The following ZMAT4 variants were observed in gnomAD, a reference collection of about 807,000 sequenced individuals.
The protein encoded by ZMAT4 is zinc finger matrin-type 4.
A neutral mutation model predicts 28.7 loss-of-function variants in ZMAT4; 17 were observed. The ratio of observed to expected loss-of-function variants is 0.59; its 90% confidence interval spans 0.41 to 0.89. ZMAT4 has a LOEUF of 0.89. Ranked by LOEUF, ZMAT4 falls within the 40% of genes least tolerant of loss-of-function variation. The pLI, the probability that ZMAT4 is intolerant of heterozygous loss-of-function variation, is 0.00. For missense variants in ZMAT4, 240 were observed against 283.8 expected, an observed-to-expected ratio of 0.85 and a Z score of 1.11; for synonymous variants, 117 against 109.2, an observed-to-expected ratio of 1.07 and a Z score of -0.44.
At chr8:40,741,434 G>C (rs1205917611) in intron 3 of ZMAT4, among the ~76,000 whole-genome samples, 2 of 145,948 alleles carry the variant, frequency 1.4e-5, no homozygotes, top group Non-Finnish European at 3.0e-5. Context: ...ACGAAAGAGC[G>C]GAAGTCTGTC....
In ZMAT4 at chr8:40,531,555, T is replaced by C. The variant is rs1266897854; in HGVS notation, c.*668A>G. On this transcript the variant is annotated 3_prime_UTR_variant, in exon 7 of 7. Transcript: ENST00000297737. ...CTAATTCTTTTCCTAAGCTATTATT[T>C]GGCAACTTGCAAGGAGGACTTGGCT... 1.3e-5 allele frequency: 2 copies of C among 152,652 alleles called. No individual in the cohort carries two copies. The highest frequency in any genetic ancestry group is 4.8e-5 in the African/African-American group (2 of 41,448). The allele number at this position is 152,652 out of a possible 1,614,324, so 9.5% of individuals were successfully genotyped here. A position where few individuals can be genotyped will look rare whatever the true frequency, so the allele number is the denominator to read the frequency against.
chr8:40,810,170 T>C (rs959357159), intron 2 of ZMAT4, among the ~76,000 whole-genome samples: 1 of 152,222 alleles, frequency 6.6e-6, no homozygotes, highest in East Asian at 1.9e-4. Context: ...TATATATTCA[T>C]TGTCTTTAAA....
chr8:40,745,966 C>T (rs1024593458), intron 3 of ZMAT4, among the ~76,000 whole-genome samples: 1 of 152,196 alleles, frequency 6.6e-6, no homozygotes, highest in African/African-American at 2.4e-5. Context: ...CCTGACACAA[C>T]ACACTCCTAG....
At chr8:40,820,735 A>G (rs1421639969) in intron 2 of ZMAT4, among the ~76,000 whole-genome samples, 1 of 148,702 alleles carries the variant, frequency 6.7e-6, no homozygotes. Context: ...ATGTCTGTGT[A>G]TGTTTATGTG....
intron 2 of ZMAT4, among the ~76,000 whole-genome samples, chr8:40,795,095 G>C (rs1320139079): frequency 1.3e-5 from 2 of 152,086 alleles, no homozygotes; most frequent in Admixed American, 6.5e-5. Context: ...GCTATTCTAT[G>C]ATCCTGGCAT....
intron 1 of ZMAT4, among the ~76,000 whole-genome samples, chr8:40,834,513 C>G (rs1816407048): frequency 6.6e-6 from 1 of 152,150 alleles, no homozygotes; most frequent in Non-Finnish European, 1.5e-5. Context: ...CTTGGATTCT[C>G]TCTTTATTCA....
chr8:40,858,385 C>T (rs1817372107), intron 1 of ZMAT4, among the ~76,000 whole-genome samples: 1 of 152,128 alleles, frequency 6.6e-6, no homozygotes, highest in Non-Finnish European at 1.5e-5. Flanking sequence ...TAGTACAAGG[C>T]CATGTGCAAA....
chr8:40,645,676 T>A (rs1208980388), intron 5 of ZMAT4, among the ~76,000 whole-genome samples: 1 of 152,182 alleles, frequency 6.6e-6, no homozygotes, highest in Non-Finnish European at 1.5e-5. Context: ...CAAGTTTGGA[T>A]GTAACATCTC....
At chr8:40,813,531 G>C (rs914418299) in intron 2 of ZMAT4, among the ~76,000 whole-genome samples, 7 of 152,232 alleles carry the variant, frequency 4.6e-5, no homozygotes, top group African/African-American at 1.7e-4. Context: ...GAATCCAAAG[G>C]AAGCATGAAC....
At chr8:40,818,471 A>G (rs950771498) in intron 2 of ZMAT4, among the ~76,000 whole-genome samples, 2 of 152,222 alleles carry the variant, frequency 1.3e-5, no homozygotes, top group Non-Finnish European at 1.5e-5. Context: ...TATTACGAAG[A>G]TATTACCCTG....
intron 2 of ZMAT4, among the ~76,000 whole-genome samples, chr8:40,768,364 G>T (rs1813247581): frequency 6.6e-6 from 1 of 152,204 alleles, no homozygotes; most frequent in South Asian, 2.1e-4. Flanking sequence ...TAGCAGGATT[G>T]TTGATTTCTG....
chr8:40,556,991 T>A (rs1803561583), intron 6 of ZMAT4, among the ~76,000 whole-genome samples: 1 of 152,122 alleles, frequency 6.6e-6, no homozygotes, highest in Non-Finnish European at 1.5e-5. Flanking sequence ...CACTCCCACC[T>A]ACAAACTCTT....
intron 2 of ZMAT4, among the ~76,000 whole-genome samples, chr8:40,817,394 G>A (rs1815586574): frequency 6.6e-6 from 1 of 152,082 alleles, no homozygotes; most frequent in Admixed American, 6.6e-5. Context: ...TAATGGACAG[G>A]AAAGAACTCC....
In ZMAT4 at chr8:40,753,953, C is replaced by T. The variant is rs114194967; in HGVS notation, c.192+13688G>A. ...TTGTAATCCCAGTGTTTTGGGAGAC[C>T]GAGGTGGGCAGAGATAGAGACCATC... On this transcript the variant is annotated intron_variant, in intron 3 of 6. Coordinates refer to ENST00000297737, the MANE Select transcript of ZMAT4 (RefSeq NM_024645.3). Among the ~76,000 whole-genome samples, 1,228 of 152,110 alleles carry T rather than the reference C, an allele frequency of 8.1e-3. 17 individuals are homozygous for T. The highest frequency in any genetic ancestry group is 0.028 in the African/African-American group (1,164 of 41,498).
chr8:40,589,722 TC>T (rs10714113), intron 5 of ZMAT4, among the ~76,000 whole-genome samples: 2,488 of 130,642 alleles, frequency 0.019, 48 homozygotes, highest in Admixed American at 0.071. Flanking sequence ...CCTTCTTCCT[TC>T]TTCCTTTCCT....
chr8:40,555,589 G>C lies in ZMAT4; in HGVS notation c.675-23351C>G, dbSNP rs144572407. ...AATAAAGAAACTGAAACTCACAGAG[G>C]ATAAGCTACTTTCTCAATGTCACAC... On this transcript the variant is annotated intron_variant, in intron 6 of 6. Transcript: ENST00000297737. 4.7e-3 allele frequency among the ~76,000 whole-genome samples: 718 copies of C among 152,208 alleles called. 3 individuals are homozygous for C. Among genetic ancestry groups the C allele is most frequent in the Admixed American group, 7.6e-3 (116 of 15,284 alleles).
chr8:40,801,430 G>A (rs1357027820), intron 2 of ZMAT4, among the ~76,000 whole-genome samples: 1 of 150,132 alleles, frequency 6.7e-6, no homozygotes, highest in Non-Finnish European at 1.5e-5. Context: ...CACTCTGGGA[G>A]GCTGAGGCAG....
intron 2 of ZMAT4, among the ~76,000 whole-genome samples, chr8:40,815,966 G>T (rs1328853299): frequency 6.6e-6 from 1 of 152,116 alleles, no homozygotes; most frequent in Non-Finnish European, 1.5e-5. Context: ...GGGAATCACA[G>T]TCTTTCCTCT....
rs993873541 is a variant in ZMAT4, at chr8:40,893,828, C to T, written c.-5+3855G>A. The stretch of plus-strand genomic sequence containing the variant: ...TTGATTCTTACCCTCGTCCCACCCT[C>T]CACCCTCAGGTAGGCCCCTATTGTT... On this transcript the variant is annotated intron_variant, in intron 1 of 6. Transcript: ENST00000297737. 3.3e-5 allele frequency among the ~76,000 whole-genome samples: 5 copies of T among 152,314 alleles called. No individual in the cohort carries two copies. In the South Asian group the frequency reaches 1.0e-3, roughly 32 times the overall value.
Sources: gnomAD v4.1 joint callset for allele counts (sites outside exome capture counted in the v4.1 genomes callset) on GRCh38, gnomAD v4.1.1 for gene constraint, MANE v1.5 for transcripts, NCBI Gene and HGNC (gene_info 2026-07-23, HGNC 2026-07-21) for gene names.